The following ATXN1 variants were observed in gnomAD, a reference collection of about 807,000 sequenced individuals.
The protein encoded by ATXN1 is ataxin 1, also known as ataxin-1.
A neutral mutation model predicts 56.4 loss-of-function variants in ATXN1; 8 were observed. The observed-to-expected ratio is 0.14, with a 90% CI of 0.08 to 0.26. The LOEUF is 0.26. Ranked by LOEUF, ATXN1 falls within the 10% of genes least tolerant of loss-of-function variation. The probability of loss-of-function intolerance (pLI) is 1.00; values close to 1 mark genes in which losing one functional copy is unlikely to be tolerated. For missense variants in ATXN1, 987 were observed against 1,106.5 expected, an observed-to-expected ratio of 0.89 and a Z score of 1.53; for synonymous variants, 514 against 494.6, an observed-to-expected ratio of 1.04 and a Z score of -0.52.
At chr6:16,541,497 C>G (rs1751193605) in intron 4 of ATXN1, among the ~76,000 whole-genome samples, 2 of 152,154 alleles carry the variant, frequency 1.3e-5, no homozygotes, top group Non-Finnish European at 2.9e-5. Context: ...CCTCTGGTGA[C>G]CTGGTTTTTC....
At chr6:16,347,850 G>T (rs1022365154) in intron 6 of ATXN1, among the ~76,000 whole-genome samples, 1 of 152,144 alleles carries the variant, frequency 6.6e-6, no homozygotes, top group African/African-American at 2.4e-5. Flanking sequence ...AACCTTCTCC[G>T]ATCCCTTTCC....
At chr6:16,757,229 T>G (rs139706522) in intron 1 of ATXN1, among the ~76,000 whole-genome samples, 2 of 152,344 alleles carry the variant, frequency 1.3e-5, no homozygotes, top group African/African-American at 4.8e-5. Flanking sequence ...AAAGTGTCAC[T>G]TCTGTTTACC....
chr6:16,701,747 G>C (rs1484381223), intron 2 of ATXN1, among the ~76,000 whole-genome samples: 1 of 152,112 alleles, frequency 6.6e-6, no homozygotes, highest in African/African-American at 2.4e-5. Context: ...GCTTCAAAGA[G>C]AATAAAATAC....
intron 6 of ATXN1, among the ~76,000 whole-genome samples, chr6:16,358,412 CATCA>C (rs1176784874): frequency 6.6e-6 from 1 of 152,182 alleles, no homozygotes; most frequent in Non-Finnish European, 1.5e-5. Flanking sequence ...CCCAAATGCC[CATCA>C]ATCAATGAGT....
At chr6:16,388,989 T>A (rs1758295273) in intron 6 of ATXN1, among the ~76,000 whole-genome samples, 1 of 152,244 alleles carries the variant, frequency 6.6e-6, no homozygotes, top group African/African-American at 2.4e-5. Context: ...CTTCATTTAC[T>A]TAATTACCAT....
chr6:16,474,661 T>G (rs1168814361), intron 6 of ATXN1, among the ~76,000 whole-genome samples: 1 of 152,202 alleles, frequency 6.6e-6, no homozygotes, highest in Non-Finnish European at 1.5e-5. Context: ...GGATGAAAGC[T>G]TCCCTGATCC....
intron 6 of ATXN1, among the ~76,000 whole-genome samples, chr6:16,471,992 G>T (rs1352437498): frequency 6.6e-6 from 1 of 152,078 alleles, no homozygotes; most frequent in East Asian, 1.9e-4. Flanking sequence ...TTTCTAAAAA[G>T]GTAAACAACA....
chr6:16,665,601 C>T (rs538024464), intron 2 of ATXN1, among the ~76,000 whole-genome samples: 1 of 152,218 alleles, frequency 6.6e-6, no homozygotes, highest in African/African-American at 2.4e-5. Flanking sequence ...CATTCTAAAC[C>T]CCACAGATCC....
At chr6:16,739,814 C>A (rs996586530) in intron 2 of ATXN1, 4 of 456,476 alleles carry the variant, frequency 8.8e-6, no homozygotes, top group African/African-American at 4.0e-5. Flanking sequence ...TGCCTCCTGG[C>A]GAGTTCATAA....
At chr6:16,544,364 C>T (rs773164553) in intron 4 of ATXN1, among the ~76,000 whole-genome samples, 2 of 152,176 alleles carry the variant, frequency 1.3e-5, no homozygotes, top group Non-Finnish European at 2.9e-5. Context: ...CGCCTCAAGG[C>T]CTCCCCCTTC....
At chr6:16,495,533 A>T (rs559731481) in intron 5 of ATXN1, among the ~76,000 whole-genome samples, 3 of 152,340 alleles carry the variant, frequency 2.0e-5, no homozygotes, top group Non-Finnish European at 2.9e-5. Context: ...GCAAAATTGC[A>T]TGGCTACAGC....
chr6:16,589,256 C>T (rs1261352429), intron 3 of ATXN1, among the ~76,000 whole-genome samples: 1 of 152,014 alleles, frequency 6.6e-6, no homozygotes, highest in African/African-American at 2.4e-5. Flanking sequence ...GTTCCTTAAC[C>T]AAGTCCATCT....
intron 3 of ATXN1, among the ~76,000 whole-genome samples, chr6:16,605,384 A>G (rs1359319911): frequency 2.0e-5 from 3 of 152,222 alleles, no homozygotes; most frequent in Admixed American, 2.0e-4. Flanking sequence ...TCCCAAGGCC[A>G]CAAGAGGACT....
intron 6 of ATXN1, among the ~76,000 whole-genome samples, chr6:16,386,047 T>A (rs73724848): frequency 0.023 from 3,541 of 152,294 alleles, 121 homozygotes; most frequent in African/African-American, 0.081. Flanking sequence ...TAGAGATAGA[T>A]GCTTGGGGTT....
At chr6:16,721,591 C>A (rs1759746432) in intron 2 of ATXN1, among the ~76,000 whole-genome samples, 1 of 152,098 alleles carries the variant, frequency 6.6e-6, no homozygotes, top group South Asian at 2.1e-4. Flanking sequence ...CATGCCACTG[C>A]ACTCCAGCCA....
chr6:16,443,065 C>G (rs140598474), intron 6 of ATXN1, among the ~76,000 whole-genome samples: 318 of 151,874 alleles, frequency 2.1e-3, no homozygotes, highest in African/African-American at 7.3e-3. Context: ...ACCTGTAGTC[C>G]CAGCTACTTG....
At chr6:16,610,645 T>C (rs542048480) in intron 3 of ATXN1, among the ~76,000 whole-genome samples, 2 of 152,206 alleles carry the variant, frequency 1.3e-5, no homozygotes, top group Non-Finnish European at 2.9e-5. Flanking sequence ...TTTCATAGAA[T>C]ATATTTGAAG....
At chr6:16,370,950 T>C (rs1254442040) in intron 6 of ATXN1, among the ~76,000 whole-genome samples, 3 of 152,152 alleles carry the variant, frequency 2.0e-5, no homozygotes, top group Admixed American at 6.5e-5. Context: ...AATTGAGTCT[T>C]AAAGAGCTGA....
intron 5 of ATXN1, among the ~76,000 whole-genome samples, chr6:16,490,556 C>A (rs1453249469): frequency 6.6e-6 from 1 of 152,196 alleles, no homozygotes; most frequent in Non-Finnish European, 1.5e-5. Context: ...TGGTTTCCTG[C>A]CTTCTAAATG....
Sources: allele counts gnomAD v4.1 joint callset (sites outside exome capture counted in the v4.1 genomes callset), GRCh38; gene constraint gnomAD v4.1.1; transcripts MANE v1.5; gene names NCBI Gene and HGNC (gene_info 2026-07-23, HGNC 2026-07-21).